The following AOAH variants were observed in gnomAD, a reference collection of about 807,000 sequenced individuals.
AOAH encodes the protein acyloxyacyl hydrolase (neutrophil).
AOAH carries 64 observed loss-of-function variants against 92.2 expected under a neutral mutation model. The observed-to-expected ratio is 0.69, with a 90% CI of 0.57 to 0.86. The LOEUF (loss-of-function observed/expected upper bound fraction) is 0.86, where lower values mean the gene tolerates loss of function less well. Ranked by LOEUF, AOAH falls within the 40% of genes least tolerant of loss-of-function variation. The probability of loss-of-function intolerance (pLI) is 0.00; values close to 1 mark genes in which losing one functional copy is unlikely to be tolerated. For synonymous variants in AOAH, 263 were observed against 254.5 expected (o/e 1.03, Z -0.32); for missense variants, 656 against 694.6 (o/e 0.94, Z 0.62).
intron 3 of AOAH, among the ~76,000 whole-genome samples, chr7:36,670,069 T>G (rs1795819419): frequency 6.6e-6 from 1 of 151,886 alleles, no homozygotes; most frequent in Non-Finnish European, 1.5e-5. Flanking sequence ...TTTTTTTGTT[T>G]TTTTTTTTTA....
chr7:36,641,675 A>G (rs932887327), intron 4 of AOAH, among the ~76,000 whole-genome samples: 6 of 152,024 alleles, frequency 3.9e-5, no homozygotes, highest in Non-Finnish European at 7.4e-5. Flanking sequence ...TGCATTCTAC[A>G]TTATAACACA....
chr7:36,696,871 C>CA (rs900150654), intron 1 of AOAH, among the ~76,000 whole-genome samples: 1 of 148,352 alleles, frequency 6.7e-6, no homozygotes, highest in African/African-American at 2.6e-5. Context: ...TCTCCAGAAA[C>CA]AAAAAAATCA....
intron 1 of AOAH, among the ~76,000 whole-genome samples, chr7:36,694,521 C>T (rs1305037157): frequency 2.6e-5 from 4 of 152,022 alleles, no homozygotes; most frequent in African/African-American, 9.7e-5. Context: ...TCAGAAATAA[C>T]TGGATAATGA....
At position 36,673,934 on chromosome 7, in the gene AOAH, C is replaced by CA; in HGVS notation, c.290+8dup. The CA allele has an allele frequency of 1.9e-6, 3 of 1,595,490 alleles. No homozygotes were observed. The highest frequency in any genetic ancestry group is 2.6e-6 in the Non-Finnish European group (3 of 1,164,570). On this transcript the variant is annotated intron_variant, in intron 3 of 20. Coordinates refer to ENST00000617537, the MANE Select transcript of AOAH (RefSeq NM_001637.4). ...ATGGAATCAGAGTTATGTGTCATGG[C>CA]ATACTCACAGTTTTATGATGTCTGA...
chr7:36,658,859 G>T (rs1795037046), intron 4 of AOAH, among the ~76,000 whole-genome samples: 1 of 152,170 alleles, frequency 6.6e-6, no homozygotes, highest in Non-Finnish European at 1.5e-5. Context: ...AGAGTGACTT[G>T]CTTGATTTTT....
At chr7:36,633,908 A>G (rs1402699618) in intron 5 of AOAH, among the ~76,000 whole-genome samples, 4 of 152,162 alleles carry the variant, frequency 2.6e-5, no homozygotes, top group African/African-American at 7.2e-5. Flanking sequence ...GCTGGGCAGC[A>G]TCTCTGGCCT....
intron 1 of AOAH, among the ~76,000 whole-genome samples, chr7:36,715,961 C>G (rs1799134441): frequency 6.6e-6 from 1 of 152,082 alleles, no homozygotes; most frequent in South Asian, 2.1e-4. Context: ...CAACAAAAGC[C>G]AGAATTGACA....
At chr7:36,543,947 C>CTTTCTTTCTTT (rs55745823) in intron 15 of AOAH, among the ~76,000 whole-genome samples, 1 of 91,008 alleles carries the variant, frequency 1.1e-5, no homozygotes, top group African/African-American at 4.3e-5. Flanking sequence ...TTCTTTCTTT[C>CTTTCTTTCTTT]TTTTTTTTTT....
At chr7:36,672,230 T>C (rs1046259194) in intron 3 of AOAH, among the ~76,000 whole-genome samples, 5 of 152,310 alleles carry the variant, frequency 3.3e-5, no homozygotes, top group Non-Finnish European at 7.4e-5. Flanking sequence ...CTGTATGATT[T>C]TAAGTTCCTT....
chr7:36,533,606 A>G (rs1562541474), intron 16 of AOAH, among the ~76,000 whole-genome samples: 1 of 152,092 alleles, frequency 6.6e-6, no homozygotes, highest in Non-Finnish European at 1.5e-5. Flanking sequence ...TTATGGGTCC[A>G]ACACTGAGCT....
At chr7:36,659,333 C>T in intron 3 of AOAH, 68 bp from the exon 4 acceptor site, 1 of 1,307,958 alleles carries the variant, frequency 7.6e-7, no homozygotes, top group Non-Finnish European at 1.1e-6. Flanking sequence ...GAAGCTACTG[C>T]AAAGAAAGGT....
At chr7:36,526,651 A>G (rs1330533747) in intron 19 of AOAH, among the ~76,000 whole-genome samples, 1 of 152,220 alleles carries the variant, frequency 6.6e-6, no homozygotes, top group Middle Eastern at 3.2e-3. Flanking sequence ...ATCATGGATG[A>G]TCTGTGGAGA....
intron 6 of AOAH, among the ~76,000 whole-genome samples, chr7:36,623,527 G>T (rs78044604): frequency 1.3e-5 from 2 of 152,162 alleles, no homozygotes; most frequent in Non-Finnish European, 2.9e-5. Context: ...AGGGCAAGGG[G>T]TATTGATGTT....
chr7:36,611,260 T>G (rs558946522), intron 11 of AOAH, among the ~76,000 whole-genome samples: 1 of 152,290 alleles, frequency 6.6e-6, no homozygotes, highest in Non-Finnish European at 1.5e-5. Flanking sequence ...ACTGTAGTGT[T>G]GTTCCTCCTA....
chr7:36,517,929 ACC>A (rs1783891519), intron 20 of AOAH, among the ~76,000 whole-genome samples: 7 of 45,546 alleles, frequency 1.5e-4, no homozygotes, highest in Non-Finnish European at 2.8e-4. Flanking sequence ...ACACACACAC[ACC>A]CACACACACA....
chr7:36,630,721 TGAGGCTCA>T lies in AOAH; in HGVS notation c.521+1307_521+1314del, dbSNP rs569438874. 2.6e-4 allele frequency among the ~76,000 whole-genome samples: 40 copies of T among 152,310 alleles called. 1 individual carries two copies. In the South Asian group the frequency reaches 3.1e-3, roughly 12 times the overall value. On this transcript the variant is annotated intron_variant, in intron 6 of 20. Transcript: ENST00000617537. ...ACTTAAATTTTAGATATGGGGAAGCTGAGGCTCAGAGGCTCAGAGACATTAAGTGGCCC... is the reference window on the plus strand; with the variant it reads ...ACTTAAATTTTAGATATGGGGAAGCTGAGGCTCAGAGACATTAAGTGGCCC...
chr7:36,563,816 C>A (rs932191168), intron 13 of AOAH, among the ~76,000 whole-genome samples: 5 of 152,186 alleles, frequency 3.3e-5, no homozygotes, highest in African/African-American at 9.6e-5. Flanking sequence ...AATTTAAATT[C>A]TTTTTCTTCT....
chr7:36,699,176 C>G (rs1043746728), intron 1 of AOAH, among the ~76,000 whole-genome samples: 1 of 152,012 alleles, frequency 6.6e-6, no homozygotes, highest in Non-Finnish European at 1.5e-5. Context: ...CATTGTGTAT[C>G]GTACCATATT....
chr7:36,536,925 G>A (rs1011331209), intron 16 of AOAH, among the ~76,000 whole-genome samples: 3 of 141,340 alleles, frequency 2.1e-5, no homozygotes, highest in Non-Finnish European at 4.5e-5. Context: ...ATTCCAGCCT[G>A]GGTGACATAG....
Sources: allele counts gnomAD v4.1 joint callset (sites outside exome capture counted in the v4.1 genomes callset), GRCh38; gene constraint gnomAD v4.1.1; transcripts MANE v1.5; gene names NCBI Gene and HGNC (gene_info 2026-07-23, HGNC 2026-07-21).